MYPN: variants seen among roughly 807,000 people sequenced by gnomAD.
The protein encoded by MYPN is myopalladin.
A neutral mutation model predicts 129.4 loss-of-function variants in MYPN; 63 were observed. That is an observed-to-expected ratio of 0.49 (90% CI 0.40 to 0.60). The LOEUF is 0.60. MYPN is among the 20% of genes least tolerant of loss of function. The pLI is 0.00. For missense variants in MYPN, 1,596 were observed against 1,635.4 expected (o/e 0.98, Z 0.42); for synonymous variants, 629 against 600.9 (o/e 1.05, Z -0.68).
At chr10:68,146,352 A>G (rs1373985949) in intron 4 of MYPN, among the ~76,000 whole-genome samples, 1 of 152,020 alleles carries the variant, frequency 6.6e-6, no homozygotes, top group East Asian at 1.9e-4. Flanking sequence ...CCCAGTCTAA[A>G]TGTTCTTTCT....
At chr10:68,180,707 G>A (rs1032149543) in intron 12 of MYPN, among the ~76,000 whole-genome samples, 39 of 152,308 alleles carry the variant, frequency 2.6e-4, no homozygotes, top group African/African-American at 6.7e-4. Flanking sequence ...GAGAAAGCCC[G>A]CGGTGAGCTC....
chr10:68,206,496 A>G (rs150757015), intron 18 of MYPN, among the ~76,000 whole-genome samples: 23 of 152,232 alleles, frequency 1.5e-4, no homozygotes, highest in Non-Finnish European at 2.9e-4. Context: ...ATCTTTCTGA[A>G]CTTTGGTTGT....
At position 68,210,904 on chromosome 10, in the gene MYPN, A is replaced by G. The variant is rs748230333; in HGVS notation, c.*449A>G. On this transcript the variant is annotated 3_prime_UTR_variant, in exon 20 of 20. Transcript: ENST00000358913. The stretch of plus-strand genomic sequence containing the variant: ...GGCGGACAGGTCACCATCACCTTTC[A>G]TCGATTACATGTATAGCAGTAGTTT... 4 of 455,026 alleles carry G rather than the reference A, an allele frequency of 8.8e-6. No individual in the cohort carries two copies. The highest frequency in any genetic ancestry group is 1.8e-5 in the Non-Finnish European group (4 of 227,264). The allele number at this position is 455,026 out of a possible 1,614,324, so 28.2% of individuals were successfully genotyped here.
At chr10:68,181,742 G>A (rs2043316268) in intron 12 of MYPN, among the ~76,000 whole-genome samples, 1 of 152,018 alleles carries the variant, frequency 6.6e-6, no homozygotes, top group African/African-American at 2.4e-5. Context: ...CTTCCACTTT[G>A]CCCATCAGCA....
chr10:68,154,857 G>A (rs2042840626), intron 6 of MYPN, among the ~76,000 whole-genome samples: 3 of 152,098 alleles, frequency 2.0e-5, no homozygotes, highest in Admixed American at 6.6e-5. Context: ...TGGGCACAAA[G>A]CAGGCACACA....
In MYPN at chr10:68,194,514, TGGAGACGCA is replaced by T. The variant is rs864622652; in HGVS notation, c.3075+5_3075+13del. On this transcript the variant is annotated splice_donor_5th_base_variant and intron_variant, in intron 14 of 19. Transcript: ENST00000358913. Reference sequence around the variant, plus strand: ...ACCATCATGGCAGCCAACCCCCAGGTGGAGACGCAGGGTTCTGCGCTGTGCTGCACTCTG... The same window carrying T: ...ACCATCATGGCAGCCAACCCCCAGGTGGGTTCTGCGCTGTGCTGCACTCTG... 229 of 1,613,322 alleles carry T rather than the reference TGGAGACGCA, an allele frequency of 1.4e-4. No individual in the cohort carries two copies. Among genetic ancestry groups the T allele is most frequent in the Non-Finnish European group, 1.8e-4 (214 of 1,179,696 alleles).
At chr10:68,100,222 T>C (rs2041975712) in intron 1 of MYPN, among the ~76,000 whole-genome samples, 1 of 152,192 alleles carries the variant, frequency 6.6e-6, no homozygotes, top group South Asian at 2.1e-4. Context: ...GAATTAAATA[T>C]GAAGAACAAA....
At chr10:68,118,295 A>G (rs2042187161) in intron 1 of MYPN, among the ~76,000 whole-genome samples, 1 of 152,184 alleles carries the variant, frequency 6.6e-6, no homozygotes, top group African/African-American at 2.4e-5. Context: ...GGCAAGCCCT[A>G]TTTTAAGGAC....
At chr10:68,162,658 T>G (rs1012433060) in intron 8 of MYPN, among the ~76,000 whole-genome samples, 9 of 152,204 alleles carry the variant, frequency 5.9e-5, no homozygotes, top group Non-Finnish European at 1.3e-4. Flanking sequence ...ATCTCATTAT[T>G]ATAATTCTCT....
At chr10:68,098,568 G>A (rs1213082367) in intron 1 of MYPN, among the ~76,000 whole-genome samples, 3 of 152,022 alleles carry the variant, frequency 2.0e-5, no homozygotes, top group African/African-American at 4.8e-5. Flanking sequence ...TTTTTTGGCT[G>A]GGCACGGTGA....
intron 1 of MYPN, among the ~76,000 whole-genome samples, chr10:68,094,993 G>A (rs947593502): frequency 2.0e-5 from 3 of 152,120 alleles, no homozygotes; most frequent in Non-Finnish European, 2.9e-5. Context: ...CCTGGAAGAC[G>A]GAGGTTGCAG....
chr10:68,107,092 G>T (rs1252184215), upstream of MYPN, among the ~76,000 whole-genome samples: 1 of 152,190 alleles, frequency 6.6e-6, no homozygotes, highest in Non-Finnish European at 1.5e-5. Context: ...TACAACTGAA[G>T]ATAAGCAAGG....
At chr10:68,149,165 T>G (rs1247931127) in intron 5 of MYPN, among the ~76,000 whole-genome samples, 1 of 140,802 alleles carries the variant, frequency 7.1e-6, no homozygotes, top group East Asian at 2.0e-4. Context: ...GAGGTCAAGG[T>G]GACCTGTGAT....
Position 68,210,845 on chromosome 10 carries a change from T to C in MYPN, c.*390T>C. ...GAGCTAGGCAGTAGTGACCTTAGGATATGACTAACTCACCAAACAATGCCA... is the reference window on the plus strand; with the variant it reads ...GAGCTAGGCAGTAGTGACCTTAGGACATGACTAACTCACCAAACAATGCCA... On this transcript the variant is annotated 3_prime_UTR_variant, in exon 20 of 20. Transcript: ENST00000358913. The C allele has an allele frequency of 2.2e-6, 1 of 458,414 alleles. No homozygotes were observed. The highest frequency in any genetic ancestry group is 1.6e-5 in the South Asian group (1 of 64,496). The allele number at this position is 458,414 out of a possible 1,614,324, so 28.4% of individuals were successfully genotyped here. A position where few individuals can be genotyped will look rare whatever the true frequency, so the allele number is the denominator to read the frequency against.
At chr10:68,145,847 C>T (rs2042657383) in intron 4 of MYPN, among the ~76,000 whole-genome samples, 1 of 152,184 alleles carries the variant, frequency 6.6e-6, no homozygotes, top group African/African-American at 2.4e-5. Flanking sequence ...CAGATACGAA[C>T]ATTCATAACC....
intron 10 of MYPN, among the ~76,000 whole-genome samples, chr10:68,166,906 G>T (rs1446068809): frequency 1.3e-5 from 2 of 152,080 alleles, no homozygotes; most frequent in Non-Finnish European, 2.9e-5. Context: ...AGGCATGGTG[G>T]TGCACACCTA....
At chr10:68,189,617 A>C (rs1360673734) in intron 13 of MYPN, among the ~76,000 whole-genome samples, 1 of 152,144 alleles carries the variant, frequency 6.6e-6, no homozygotes, top group Non-Finnish European at 1.5e-5. Context: ...CATGCAATAC[A>C]TGCCTTTCTG....
chr10:68,124,833 G>A (rs1458624743), intron 2 of MYPN, among the ~76,000 whole-genome samples: 3 of 152,102 alleles, frequency 2.0e-5, no homozygotes, highest in Non-Finnish European at 2.9e-5. Context: ...AACACAGGGC[G>A]GTGTCTACTC....
chr10:68,182,391 AAC>A (rs201938221), intron 12 of MYPN, among the ~76,000 whole-genome samples: 1 of 99,016 alleles, frequency 1.0e-5, no homozygotes, highest in Non-Finnish European at 2.2e-5. Context: ...ACACATATAT[AAC>A]ATATATATAA....
Sources: gnomAD v4.1 joint callset for allele counts (sites outside exome capture counted in the v4.1 genomes callset) on GRCh38, gnomAD v4.1.1 for gene constraint, MANE v1.5 for transcripts, NCBI Gene and HGNC (gene_info 2026-07-23, HGNC 2026-07-21) for gene names.